The following GRXCR1 variants were observed in gnomAD, a reference collection of about 807,000 sequenced individuals.
GRXCR1 encodes glutaredoxin and cysteine rich domain containing 1.
A neutral mutation model predicts 27.3 loss-of-function variants in GRXCR1; 27 were observed. That is an observed-to-expected ratio of 0.99 (90% CI 0.73 to 1.37). The LOEUF is 1.37. Ranked by LOEUF, GRXCR1 falls within the 40% of genes most tolerant of loss-of-function variation. GRXCR1 has a pLI of 0.00. For missense variants in GRXCR1, 379 were observed against 354.4 expected (o/e 1.07, Z -0.56); for synonymous variants, 122 against 131.1 (o/e 0.93, Z 0.47).
chr4:42,972,358 G>T (rs536591926), intron 2 of GRXCR1, among the ~76,000 whole-genome samples: 5 of 152,164 alleles, frequency 3.3e-5, no homozygotes, highest in South Asian at 2.1e-4. Flanking sequence ...GATCTTATTT[G>T]GTAATAGGCA....
chr4:42,903,467 A>G lies in GRXCR1; in HGVS notation c.384+9817A>G, dbSNP rs1485383101. On this transcript the variant is annotated intron_variant, in intron 1 of 3. Coordinates refer to ENST00000399770, the MANE Select transcript of GRXCR1 (RefSeq NM_001080476.3). ...GCTGGGACTACAGGCACCCACCACC[A>G]CGCCAGGCTAATTTTTTGTATTTTT... 1.4e-5 allele frequency among the ~76,000 whole-genome samples: 2 copies of G among 145,804 alleles called. 1 individual carries two copies. Among genetic ancestry groups the G allele is most frequent in the African/African-American group, 5.0e-5 (2 of 40,136 alleles).
At chr4:42,913,065 T>C (rs1422869776) in intron 1 of GRXCR1, among the ~76,000 whole-genome samples, 1 of 152,196 alleles carries the variant, frequency 6.6e-6, no homozygotes, top group Non-Finnish European at 1.5e-5. Flanking sequence ...TCTCCAGCCA[T>C]GCAGAACTGT....
At position 43,015,960 on chromosome 4, in the gene GRXCR1, T is replaced by C. The variant is rs185679476; in HGVS notation, c.628-4394T>C. Among the ~76,000 whole-genome samples the C allele has an allele frequency of 1.8e-3, 267 of 152,332 alleles. 1 individual carries two copies. The highest frequency in any genetic ancestry group is 3.0e-3 in the Non-Finnish European group (205 of 68,032). ...TGGAATTCCAGACCCTGGATATCCGTACACAGATAGCTAAAATCTGTGTGG... is the reference window on the plus strand; with the variant it reads ...TGGAATTCCAGACCCTGGATATCCGCACACAGATAGCTAAAATCTGTGTGG... On this transcript the variant is annotated intron_variant, in intron 2 of 3. Coordinates refer to ENST00000399770, the MANE Select transcript of GRXCR1 (RefSeq NM_001080476.3).
chr4:42,993,782 T>A (rs1285056602), intron 2 of GRXCR1, among the ~76,000 whole-genome samples: 1 of 152,118 alleles, frequency 6.6e-6, no homozygotes, highest in Non-Finnish European at 1.5e-5. Context: ...CCATTGTAAG[T>A]TAAGTCAGGA....
intron 2 of GRXCR1, among the ~76,000 whole-genome samples, chr4:42,986,211 T>C (rs966035278): frequency 2.0e-5 from 3 of 152,214 alleles, no homozygotes; most frequent in Admixed American, 1.3e-4. Flanking sequence ...ATATGTTTGG[T>C]CCTGATGGTG....
At chr4:42,957,266 C>G (rs1245153948) in intron 1 of GRXCR1, among the ~76,000 whole-genome samples, 1 of 152,032 alleles carries the variant, frequency 6.6e-6, no homozygotes, top group East Asian at 1.9e-4. Flanking sequence ...TTAATAGTAC[C>G]TAGCAGCTTG....
intron 2 of GRXCR1, among the ~76,000 whole-genome samples, chr4:42,991,804 C>T (rs1711983936): frequency 6.6e-6 from 1 of 152,038 alleles, no homozygotes; most frequent in Admixed American, 6.5e-5. Context: ...TCACTCCTCC[C>T]CACCAGAAGA....
chr4:42,978,162 T>A (rs541021606), intron 2 of GRXCR1, among the ~76,000 whole-genome samples: 2 of 152,082 alleles, frequency 1.3e-5, no homozygotes, highest in African/African-American at 4.8e-5. Flanking sequence ...GGTCTATGTA[T>A]CAATTTACTT....
chr4:42,974,678 C>G (rs1303194542), intron 2 of GRXCR1, among the ~76,000 whole-genome samples: 1 of 152,088 alleles, frequency 6.6e-6, no homozygotes, highest in Non-Finnish European at 1.5e-5. Flanking sequence ...TTGCTTCCTG[C>G]TTGCAAGAGG....
chr4:42,903,095 G>A (rs983143143), intron 1 of GRXCR1, among the ~76,000 whole-genome samples: 11 of 152,038 alleles, frequency 7.2e-5, no homozygotes, highest in South Asian at 2.1e-4. Flanking sequence ...GGCTACAACC[G>A]GAGCCCGAAG....
intron 1 of GRXCR1, 103 bp from the exon 2 acceptor site, chr4:42,962,789 C>A: frequency 7.6e-7 from 1 of 1,314,166 alleles, no homozygotes; most frequent in Non-Finnish European, 1.1e-6. Flanking sequence ...TGTGTTCATT[C>A]AATTTTATTG....
intron 1 of GRXCR1, among the ~76,000 whole-genome samples, chr4:42,934,691 T>C (rs533960876): frequency 4.8e-4 from 73 of 152,110 alleles, no homozygotes; most frequent in Non-Finnish European, 8.7e-4. Flanking sequence ...CTGTTATCCA[T>C]GTTTGTATTA....
chr4:43,012,490 G>T (rs1712790983), intron 2 of GRXCR1, among the ~76,000 whole-genome samples: 1 of 151,932 alleles, frequency 6.6e-6, no homozygotes, highest in Non-Finnish European at 1.5e-5. Context: ...TTCATTATTT[G>T]TTGACTCTGG....
At chr4:43,023,060 C>G (rs1713143254) in intron 3 of GRXCR1, among the ~76,000 whole-genome samples, 1 of 152,132 alleles carries the variant, frequency 6.6e-6, no homozygotes, top group African/African-American at 2.4e-5. Context: ...TAACTATGAA[C>G]CTATGCTGCC....
chr4:42,962,843 A>G (rs536001187), intron 1 of GRXCR1, 49 bp from the exon 2 acceptor site: 2 of 1,607,742 alleles, frequency 1.2e-6, no homozygotes, highest in Non-Finnish European at 1.7e-6. Context: ...ATCATAAGAC[A>G]CAAGAAAGTA....
At chr4:42,980,713 T>C (rs1748641181) in intron 2 of GRXCR1, among the ~76,000 whole-genome samples, 1 of 152,116 alleles carries the variant, frequency 6.6e-6, no homozygotes, top group African/African-American at 2.4e-5. Flanking sequence ...ATAATCTGTC[T>C]ATTGTTGAAA....
At chr4:43,013,833 T>C (rs141276862) in intron 2 of GRXCR1, among the ~76,000 whole-genome samples, 1 of 152,212 alleles carries the variant, frequency 6.6e-6, no homozygotes, top group Non-Finnish European at 1.5e-5. Flanking sequence ...TCCGAAGGAA[T>C]GGGAGAGATG....
At chr4:42,946,438 C>T (rs1445798366) in intron 1 of GRXCR1, among the ~76,000 whole-genome samples, 2 of 152,064 alleles carry the variant, frequency 1.3e-5, no homozygotes, top group African/African-American at 4.8e-5. Context: ...AATCAGACTG[C>T]CTTACATTCA....
chr4:42,903,717 C>T (rs16855082), intron 1 of GRXCR1, among the ~76,000 whole-genome samples: 11,679 of 145,918 alleles, frequency 0.08, 1,119 homozygotes, highest in African/African-American at 0.094. Flanking sequence ...TTTCCAAGGC[C>T]AATGTTTCCT....
Sources: allele counts gnomAD v4.1 joint callset (sites outside exome capture counted in the v4.1 genomes callset), GRCh38; gene constraint gnomAD v4.1.1; transcripts MANE v1.5; gene names NCBI Gene and HGNC (gene_info 2026-07-23, HGNC 2026-07-21).